Variants in PDPR observed in about 807,000 individuals in gnomAD.
PDPR encodes the protein pyruvate dehydrogenase phosphatase regulatory subunit, mitochondrial.
PDPR carries 50 observed loss-of-function variants against 102.2 expected under a neutral mutation model. The ratio of observed to expected loss-of-function variants is 0.49; its 90% CI spans 0.39 to 0.62. The LOEUF (loss-of-function observed/expected upper bound fraction) is 0.62. PDPR is among the 20% of genes least tolerant of loss of function. PDPR has a pLI of 0.00. For missense variants in PDPR, 625 were observed against 1,098.2 expected (o/e 0.57, Z 6.09); for synonymous variants, 259 against 406.0 (o/e 0.64, Z 4.35).
chr16:70,158,083 C>T lies in PDPR; in HGVS notation c.*1204C>T, dbSNP rs1373064935. On this transcript the variant is annotated 3_prime_UTR_variant, in exon 19 of 19. Coordinates refer to ENST00000288050, the MANE Select transcript of PDPR (RefSeq NM_017990.5). The stretch of plus-strand genomic sequence containing the variant: ...TTGCATAAGGCTAGAGACCGCTTTT[C>T]CTCCTTTCCCCCCAGGCTCTTTGTT... The T allele has an allele frequency of 6.5e-6, 1 of 153,298 alleles. No homozygotes were observed. Among genetic ancestry groups the T allele is most frequent in the Non-Finnish European group, 1.5e-5 (1 of 68,866 alleles). 9.5% of individuals were successfully genotyped at this position (153,298 alleles called of 1,614,324 possible).
At position 70,148,594 on chromosome 16, in the gene PDPR, TC is replaced by T. The variant is rs1447605634; in HGVS notation, c.2052+44del. The stretch of plus-strand genomic sequence containing the variant: ...TCCCTTCCCTTCCCTTCACTTCCCT[TC>T]CCTTCCCTTCCCTTCCCTTCCCACA... On this transcript the variant is annotated intron_variant, in intron 17 of 18. Coordinates refer to ENST00000288050, the MANE Select transcript of PDPR (RefSeq NM_017990.5). 5 of 244,232 alleles carry T rather than the reference TC, an allele frequency of 2.0e-5. No homozygotes were observed. The Admixed American group carries it at 2.3e-4, about 11-fold the overall frequency. The allele number at this position is 244,232 out of a possible 1,614,324, so 15.1% of individuals were successfully genotyped here.
chr16:70,127,612 A>G (rs1243060854), intron 4 of PDPR, among the ~76,000 whole-genome samples: 1 of 152,206 alleles, frequency 6.6e-6, no homozygotes, highest in African/African-American at 2.4e-5. Flanking sequence ...ACATGGTGAA[A>G]CCCCGTCTCT....
chr16:70,125,582 T>C (rs1452040390), intron 3 of PDPR, among the ~76,000 whole-genome samples: 1 of 147,462 alleles, frequency 6.8e-6, no homozygotes, highest in Non-Finnish European at 1.5e-5. Context: ...AAAGTATATA[T>C]ATATATATGT....
At chr16:70,138,701 A>G (rs888031092) in intron 10 of PDPR, among the ~76,000 whole-genome samples, 198 bp from the exon 11 acceptor site, 1 of 152,252 alleles carries the variant, frequency 6.6e-6, no homozygotes, top group Non-Finnish European at 1.5e-5. Context: ...CTGGGGTAAA[A>G]TCCTCATAGT....
Position 70,153,475 on chromosome 16 carries a change from C to G in PDPR, c.2137C>G (p.Leu713Val). 2 of 1,613,558 alleles carry G rather than the reference C, an allele frequency of 1.2e-6. No individual in the cohort carries two copies. The highest frequency in any genetic ancestry group is 1.7e-6 in the Non-Finnish European group (2 of 1,179,720). ...TGCTGGGTATTACGCTCTTCGCAGT[C>G]TCCGAATTGAGAAGTTTTTTGCCTT... is the stretch of plus-strand genomic sequence containing the variant. Reference protein sequence around the residue: ...RNAGYYALRSLRIEKFFAFWG... With the variant: ...RNAGYYALRSVRIEKFFAFWG... Residue 713 changes from leucine to valine, a missense_variant, in exon 18 of 19, where the codon CTC becomes GTC. Coordinates refer to ENST00000288050, the MANE Select transcript of PDPR (RefSeq NM_017990.5).
intron 16 of PDPR, among the ~76,000 whole-genome samples, chr16:70,147,943 C>T (rs1157047916): frequency 6.6e-6 from 1 of 152,206 alleles, no homozygotes; most frequent in African/African-American, 2.4e-5. Flanking sequence ...TTTATAGGAA[C>T]GGTGATTGCG....
chr16:70,153,669 G>A (rs1597381777), intron 18 of PDPR, 96 bp downstream of exon 18: 6 of 1,321,352 alleles, frequency 4.5e-6, no homozygotes, highest in Non-Finnish European at 6.1e-6. Context: ...GGAAAAGGGG[G>A]AAAAGATTGA....
intron 3 of PDPR, among the ~76,000 whole-genome samples, chr16:70,124,081 G>A (rs1185294643): frequency 2.0e-5 from 3 of 147,704 alleles, no homozygotes; most frequent in South Asian, 2.1e-4. Context: ...ATTATGCCTC[G>A]GCCAAGTGCA....
Position 70,153,479 on chromosome 16 carries a change from G to C in PDPR, c.2141G>C (p.Arg714Pro). 1.2e-6 allele frequency: 2 copies of C among 1,613,366 alleles called. No individual in the cohort carries two copies. The highest frequency in any genetic ancestry group is 1.7e-6 in the Non-Finnish European group (2 of 1,179,670). ...NAGYYALRSL[R>P]IEKFFAFWGQ... ...GGGTATTACGCTCTTCGCAGTCTCC[G>C]AATTGAGAAGTTTTTTGCCTTCTGG... Residue 714 changes from arginine to proline, a missense_variant, in exon 18 of 19, where the codon CGA (arginine) becomes CCA (proline). Arg to Pro is a moderately radical substitution (Grantham distance 103). Coordinates refer to ENST00000288050, the MANE Select transcript of PDPR (RefSeq NM_017990.5).
At position 70,153,512 on chromosome 16, in the gene PDPR, A is replaced by T. The variant is rs1412046544; in HGVS notation, c.2174A>T (p.Asp725Val). 2.5e-6 allele frequency: 4 copies of T among 1,612,668 alleles called. No individual in the cohort carries two copies. Among genetic ancestry groups the T allele is most frequent in the Non-Finnish European group, 3.4e-6 (4 of 1,179,436 alleles). ...IEKFFAFWGQDINNLTTPLEC... is the reference protein window; with the variant it reads ...IEKFFAFWGQVINNLTTPLEC... ...AAGTTTTTTGCCTTCTGGGGTCAGG[A>T]TATAAATAACCTCACCACGCCCCTG... is the stretch of plus-strand genomic sequence containing the variant. Residue 725 changes from aspartate (D) to valine (V), a missense_variant, in exon 18 of 19, where the codon GAT (aspartate) becomes GTT (valine). Asp to Val is a radical substitution (Grantham distance 152, BLOSUM62 -3). Transcript: ENST00000288050.
chr16:70,139,546 G>T (rs1055282494), intron 11 of PDPR, among the ~76,000 whole-genome samples: 2 of 152,264 alleles, frequency 1.3e-5, no homozygotes, highest in African/African-American at 4.8e-5. Flanking sequence ...CAGCAAGATT[G>T]GGAGCCACTT....
intron 10 of PDPR, among the ~76,000 whole-genome samples, chr16:70,137,537 A>C (rs1461532714): frequency 6.6e-6 from 1 of 152,274 alleles, no homozygotes; most frequent in Non-Finnish European, 1.5e-5. Context: ...TTGAATGAGC[A>C]CAGAGTTCCA....
At position 70,162,514 on chromosome 16, in the gene PDPR, A is replaced by G. The variant is rs980303640; in HGVS notation, c.*5635A>G. The G allele has an allele frequency of 2.0e-5, 3 of 152,504 alleles. No homozygotes were observed. Among genetic ancestry groups the G allele is most frequent in the African/African-American group, 4.8e-5 (2 of 41,484 alleles). The allele number at this position is 152,504 out of a possible 1,614,324, so 9.4% of individuals were successfully genotyped here. On this transcript the variant is annotated 3_prime_UTR_variant, in exon 19 of 19. Coordinates refer to ENST00000288050, the MANE Select transcript of PDPR (RefSeq NM_017990.5). ...CATGTTACTGGGTTTGTAAATGAAT[A>G]AACACATTTTAACTACTCTTGCACG...
chr16:70,132,712 T>TC (rs1964666193), intron 9 of PDPR, among the ~76,000 whole-genome samples: 1 of 152,142 alleles, frequency 6.6e-6, no homozygotes, highest in Admixed American at 6.6e-5. Context: ...GATCTCGAAC[T>TC]CCAAGGCTCA....
At chr16:70,121,702 AAAG>A (rs1233555777) in intron 3 of PDPR, among the ~76,000 whole-genome samples, 1 of 152,210 alleles carries the variant, frequency 6.6e-6, no homozygotes, top group Non-Finnish European at 1.5e-5. Flanking sequence ...AAAAAAAAAA[AAAG>A]AATACAGGCC....
At chr16:70,132,708 G>T (rs373193104) in intron 9 of PDPR, among the ~76,000 whole-genome samples, 4 of 151,524 alleles carry the variant, frequency 2.6e-5, no homozygotes, top group Admixed American at 2.6e-4. Context: ...GGTTGATCTC[G>T]AACTCCAAGG....
chr16:70,163,243 T>C (rs1967934657), downstream of PDPR, among the ~76,000 whole-genome samples: 1 of 152,120 alleles, frequency 6.6e-6, no homozygotes, highest in Non-Finnish European at 1.5e-5. Context: ...CCACTGTGCC[T>C]GGCCCAAAGT....
At chr16:70,121,106 C>T (rs1179423889) in intron 3 of PDPR, among the ~76,000 whole-genome samples, 2 of 151,854 alleles carry the variant, frequency 1.3e-5, no homozygotes, top group Non-Finnish European at 2.9e-5. Context: ...TAGACTTTGA[C>T]AAAAATTTGC....
intron 16 of PDPR, 94 bp from the exon 17 acceptor site, chr16:70,148,370 A>G (rs1966408580): frequency 2.2e-6 from 2 of 909,218 alleles, no homozygotes; most frequent in Admixed American, 2.0e-5. Flanking sequence ...AACAGTAAAC[A>G]GAGGGTGCAG....
Sources: allele counts gnomAD v4.1 joint callset (sites outside exome capture counted in the v4.1 genomes callset), GRCh38; gene constraint gnomAD v4.1.1; transcripts MANE v1.5; gene names NCBI Gene and HGNC (gene_info 2026-07-23, HGNC 2026-07-21).